Variants in PLVAP observed in about 807,000 individuals in gnomAD.
PLVAP encodes the protein plasmalemma vesicle associated protein.
In PLVAP, 34 loss-of-function variants were observed where a neutral mutation model predicts 43.1. The ratio of observed to expected loss-of-function variants is 0.79; its 90% CI spans 0.60 to 1.05. The LOEUF is 1.05. Among genes scored for constraint, PLVAP ranks in the 50% least tolerant of loss-of-function variants. PLVAP has a pLI of 0.00. For missense variants in PLVAP, 574 were observed against 593.4 expected, an observed-to-expected ratio of 0.97 and a Z score of 0.34; for synonymous variants, 241 against 237.3, an observed-to-expected ratio of 1.02 and a Z score of -0.14.
intron 5 of PLVAP, 109 bp from the exon 6 acceptor site, chr19:17,352,477 C>T (rs377658099): frequency 7.8e-7 from 1 of 1,286,854 alleles, no homozygotes; most frequent in Non-Finnish European, 1.1e-6. Flanking sequence ...ATCCTGGGGA[C>T]CCCGGCCCTG....
At chr19:17,370,962 A>G (rs904917610) in intron 1 of PLVAP, among the ~76,000 whole-genome samples, 1 of 151,482 alleles carries the variant, frequency 6.6e-6, no homozygotes, top group Non-Finnish European at 1.5e-5. Flanking sequence ...AGGCTGAGGC[A>G]GGAGAATGGC....
chr19:17,356,698 G>A (rs1417101215), intron 5 of PLVAP, among the ~76,000 whole-genome samples: 3 of 150,980 alleles, frequency 2.0e-5, no homozygotes, highest in Non-Finnish European at 4.4e-5. Flanking sequence ...GATGGCTCAC[G>A]CCTGTAATCC....
Position 17,376,535 on chromosome 19 carries a change from C to T in PLVAP, c.369+385G>A, listed in dbSNP as rs143603043. On this transcript the variant is annotated intron_variant, in intron 1 of 5. Coordinates refer to ENST00000252590, the MANE Select transcript of PLVAP (RefSeq NM_031310.3). ...TCTATCGGCCGGGTGCAGTGGCTCA[C>T]GCTTGTAATCCCAACAATTTGGGAG... Among the ~76,000 whole-genome samples, 843 of 152,052 alleles carry T rather than the reference C, an allele frequency of 5.5e-3. 7 individuals carry two copies. The highest frequency in any genetic ancestry group is 0.019 in the African/African-American group (804 of 41,492).
At chr19:17,362,775 A>C (rs2074533445) in intron 3 of PLVAP, 1 of 152,218 alleles carries the variant, frequency 6.6e-6, no homozygotes, top group Non-Finnish European at 1.5e-5. Context: ...CCCCAGTTCT[A>C]AAATCAGTGA....
chr19:17,370,160 A>G (rs907882948), intron 1 of PLVAP, among the ~76,000 whole-genome samples: 2 of 152,168 alleles, frequency 1.3e-5, no homozygotes, highest in African/African-American at 4.8e-5. Context: ...GGTGTTGATG[A>G]GGATGTGGGG....
intron 5 of PLVAP, among the ~76,000 whole-genome samples, chr19:17,355,903 T>G (rs547127731): frequency 1.3e-4 from 20 of 152,316 alleles, no homozygotes; most frequent in African/African-American, 4.8e-4. Flanking sequence ...TCTACTTCTT[T>G]TTTTGTTTGT....
chr19:17,361,493 C>G (rs760128252), intron 3 of PLVAP, among the ~76,000 whole-genome samples: 2 of 152,088 alleles, frequency 1.3e-5, no homozygotes, highest in Admixed American at 6.6e-5. Context: ...AGTCTACTCA[C>G]CCACCACAGC....
intron 1 of PLVAP, among the ~76,000 whole-genome samples, chr19:17,367,909 G>GT (rs1555730086): frequency 1.3e-5 from 2 of 151,232 alleles, no homozygotes; most frequent in Non-Finnish European, 3.0e-5. Context: ...TTTGTTTTTT[G>GT]TTTTTTTACA....
chr19:17,364,146 C>T (rs896753655), intron 3 of PLVAP, among the ~76,000 whole-genome samples: 1 of 151,980 alleles, frequency 6.6e-6, no homozygotes, highest in Non-Finnish European at 1.5e-5. Flanking sequence ...AGTGCAATGG[C>T]ATGATATTGA....
In PLVAP at chr19:17,377,120, CTG is replaced by C. The variant is rs1429582903; in HGVS notation, c.167_168del (p.Thr56ArgfsTer66). On this transcript the variant is annotated frameshift_variant, in exon 1 of 6. Coordinates refer to ENST00000252590, the MANE Select transcript of PLVAP (RefSeq NM_031310.3). LOFTEE classifies it high-confidence loss of function. ...FMVYGNVHVS[T>X]ESNLQATERR... The stretch of plus-strand genomic sequence containing the variant: ...CGCTCGGTGGCCTGCAGGTTGGACT[CTG>C]TGCTCACGTGCACGTTGCCATAGAC... 6.2e-7 allele frequency: 1 copy of C among 1,614,154 alleles called. No individual in the cohort carries two copies. Among genetic ancestry groups the C allele is most frequent in the Non-Finnish European group, 8.5e-7 (1 of 1,180,018 alleles).
At chr19:17,371,847 T>C (rs1288191636) in intron 1 of PLVAP, among the ~76,000 whole-genome samples, 5 of 152,154 alleles carry the variant, frequency 3.3e-5, no homozygotes, top group African/African-American at 1.2e-4. Flanking sequence ...TTTCAAACTT[T>C]GGAAGAGAAC....
rs537070619 is a variant in PLVAP, at chr19:17,365,429, G to A, written c.1036C>T (p.Leu346=). The A allele has an allele frequency of 6.2e-7, 1 of 1,613,150 alleles. No homozygotes were observed. Among genetic ancestry groups the A allele is most frequent in the East Asian group, 2.2e-5 (1 of 44,860 alleles). Residue 346 remains leucine (L), a synonymous_variant, in exon 3 of 6, where the codon CTA becomes TTA. Coordinates refer to ENST00000252590, the MANE Select transcript of PLVAP (RefSeq NM_031310.3). ...AGCACCGCCTTCTCCTCCAGCGCTAGCTGGGTCTGCCGGGAGCATTCAGCT... is the reference window on the plus strand; with the variant it reads ...AGCACCGCCTTCTCCTCCAGCGCTAACTGGGTCTGCCGGGAGCATTCAGCT... ...LQAECSRQTQ[L]ALEEKAVLRK...
chr19:17,354,948 T>C (rs1283284340), intron 5 of PLVAP, among the ~76,000 whole-genome samples: 1 of 149,166 alleles, frequency 6.7e-6, no homozygotes, highest in African/African-American at 2.5e-5. Flanking sequence ...CTTGGCCAGG[T>C]GTGGTGGCCC....
intron 3 of PLVAP, among the ~76,000 whole-genome samples, chr19:17,363,467 G>A (rs368796143): frequency 4.6e-5 from 7 of 151,796 alleles, no homozygotes; most frequent in African/African-American, 9.7e-5. Context: ...GCGCCTGGTC[G>A]TAGAGGTCTG....
At chr19:17,372,799 T>G (rs1434312046) in intron 1 of PLVAP, among the ~76,000 whole-genome samples, 3 of 145,916 alleles carry the variant, frequency 2.1e-5, no homozygotes, top group Non-Finnish European at 4.5e-5. Flanking sequence ...GTGCAGTGGC[T>G]CACACCTGTA....
rs201910794 is a variant in PLVAP, at chr19:17,372,526, G to A, written c.369+4394C>T. On this transcript the variant is annotated intron_variant, in intron 1 of 5. Transcript: ENST00000252590. ...GGCTGGAGTGCAGTGGCGCAATCTC[G>A]GCTCACTGCAAGCTCCGCCTCCCGG... 1.1e-3 allele frequency among the ~76,000 whole-genome samples: 169 copies of A among 149,418 alleles called. 1 individual carries two copies. The East Asian group carries it at 0.025, about 22-fold the overall frequency.
chr19:17,366,888 G>A (rs910094021), intron 1 of PLVAP, among the ~76,000 whole-genome samples: 2 of 150,948 alleles, frequency 1.3e-5, no homozygotes, highest in South Asian at 2.1e-4. Context: ...TGCCCGCCTC[G>A]GCTTCCCAAA....
At chr19:17,358,079 G>A (rs1026690994) in intron 5 of PLVAP, among the ~76,000 whole-genome samples, 6 of 152,132 alleles carry the variant, frequency 3.9e-5, no homozygotes, top group Admixed American at 2.0e-4. Flanking sequence ...GAGGGCTTTC[G>A]GCCAAGATGG....
At position 17,366,131 on chromosome 19, in the gene PLVAP, T is replaced by C. The variant is rs2074549094; in HGVS notation, c.434A>G (p.Asp145Gly). 7 of 1,614,180 alleles carry C rather than the reference T, an allele frequency of 4.3e-6. No individual in the cohort carries two copies. Among genetic ancestry groups the C allele is most frequent in the Non-Finnish European group, 5.9e-6 (7 of 1,180,026 alleles). ...GCTCTTGTTCATGTCCTTGAATTGA[T>C]CTCTGCATTGCTTCTCACTCAAGAT... ...AIILSEKQCR[D>G]QFKDMNKSCD... Residue 145 changes from aspartate to glycine, a missense_variant, in exon 2 of 6, where the codon GAT (aspartate) becomes GGT (glycine). Asp to Gly is a moderately conservative substitution (Grantham distance 94). Coordinates refer to ENST00000252590, the MANE Select transcript of PLVAP (RefSeq NM_031310.3).
Sources: allele counts gnomAD v4.1 joint callset (sites outside exome capture counted in the v4.1 genomes callset), GRCh38; gene constraint gnomAD v4.1.1; transcripts MANE v1.5; gene names NCBI Gene and HGNC (gene_info 2026-07-23, HGNC 2026-07-21).